The following MEGF10 variants were observed in gnomAD, a reference collection of about 807,000 sequenced individuals.
The protein encoded by MEGF10 is multiple epidermal growth factor-like domains protein 10.
In MEGF10, 86 loss-of-function variants were observed where a neutral mutation model predicts 147.5. The ratio of observed to expected loss-of-function variants is 0.58; its 90% CI spans 0.49 to 0.70. MEGF10 has a LOEUF of 0.70. Ranked by LOEUF, MEGF10 falls within the 30% of genes least tolerant of loss-of-function variation. The pLI, the probability that MEGF10 is intolerant of heterozygous loss-of-function variation, is 0.00. For missense variants in MEGF10, 1,329 were observed against 1,487.3 expected, an observed-to-expected ratio of 0.89 and a Z score of 1.75; for synonymous variants, 478 against 525.5, an observed-to-expected ratio of 0.91 and a Z score of 1.24.
At chr5:127,293,454 C>T (rs1303316026) in intron 1 of MEGF10, among the ~76,000 whole-genome samples, 1 of 152,094 alleles carries the variant, frequency 6.6e-6, no homozygotes, top group African/African-American at 2.4e-5. Flanking sequence ...AAATAAATGG[C>T]AATTTTGTAT....
At position 127,420,012 on chromosome 5, in the gene MEGF10, C is replaced by T. The variant is rs182188081; in HGVS notation, c.1427-32C>T. On this transcript the variant is annotated intron_variant, in intron 11 of 24. Transcript: ENST00000503335. The stretch of plus-strand genomic sequence containing the variant: ...AACAAGGCTCTCTGCTGCCTTTGTT[C>T]GCTCACGTGCTCTGGCGTTCTTGTC... The T allele has an allele frequency of 6.0e-5, 96 of 1,607,678 alleles. No individual in the cohort carries two copies. In the African/African-American group the frequency reaches 7.6e-4, roughly 13 times the overall value.
chr5:127,347,659 T>C (rs1452123381), intron 4 of MEGF10, among the ~76,000 whole-genome samples: 1 of 152,074 alleles, frequency 6.6e-6, no homozygotes, highest in Non-Finnish European at 1.5e-5. Context: ...ACATCCTAAG[T>C]GGAGTGCACA....
At chr5:127,235,978 C>CTT in the MEGF10 span, among the ~76,000 whole-genome samples, 22 of 148,124 alleles carry the variant, frequency 1.5e-4, 2 homozygotes, top group Admixed American at 1.5e-3. Context: ...GGTCGGCAAA[C>CTT]TTTTTTTTTT....
chr5:127,313,482 G>T (rs1034193925), intron 1 of MEGF10, among the ~76,000 whole-genome samples: 2 of 152,152 alleles, frequency 1.3e-5, no homozygotes, highest in Non-Finnish European at 2.9e-5. Context: ...CTACTCATCC[G>T]ATTAGCCTAA....
At chr5:127,363,919 C>T (rs1302509548) in intron 4 of MEGF10, among the ~76,000 whole-genome samples, 1 of 152,086 alleles carries the variant, frequency 6.6e-6, no homozygotes. Flanking sequence ...CCAAGTAAAA[C>T]GTTATGGAAC....
At chr5:127,242,928 A>T in the MEGF10 span, among the ~76,000 whole-genome samples, 1 of 152,190 alleles carries the variant, frequency 6.6e-6, no homozygotes, top group Non-Finnish European at 1.5e-5. Context: ...TAGCCAAAAG[A>T]GCCTGACTTC....
intron 5 of MEGF10, among the ~76,000 whole-genome samples, chr5:127,378,124 T>C (rs1763103102): frequency 6.6e-6 from 1 of 152,216 alleles, no homozygotes; most frequent in South Asian, 2.1e-4. Context: ...CACCACCCTC[T>C]GTCACCCACC....
chr5:127,448,977 G>T, intron 21 of MEGF10, 122 bp from the exon 22 acceptor site: 1 of 1,316,834 alleles, frequency 7.6e-7, no homozygotes, highest in South Asian at 1.5e-5. Flanking sequence ...CGGCCCCTGA[G>T]CTCAGGTCAC....
chr5:127,363,121 G>A (rs928567122), intron 4 of MEGF10, among the ~76,000 whole-genome samples: 27 of 152,164 alleles, frequency 1.8e-4, no homozygotes, highest in African/African-American at 6.5e-4. Flanking sequence ...TACTTAAAAT[G>A]TATGGCAGAA....
In MEGF10 at chr5:127,383,668, G is replaced by A. The variant is rs530554730; in HGVS notation, c.413-12864G>A. ...ATCACAGCATTTACCTTTGGGAAAA[G>A]GGTAGGGAAAGAGCTGGGAACCAGG... On this transcript the variant is annotated intron_variant, in intron 5 of 24. Transcript: ENST00000503335. 1.6e-4 allele frequency among the ~76,000 whole-genome samples: 25 copies of A among 152,226 alleles called. No homozygotes were observed. The South Asian group carries it at 5.0e-3, about 30-fold the overall frequency.
chr5:127,294,095 C>T (rs1424134078), intron 1 of MEGF10, among the ~76,000 whole-genome samples: 1 of 152,214 alleles, frequency 6.6e-6, no homozygotes, highest in African/African-American at 2.4e-5. Context: ...CAACCACTTA[C>T]CACCCATTCA....
Position 127,308,703 on chromosome 5 carries a change from G to A in MEGF10, c.-19+17647G>A, listed in dbSNP as rs1760124689. On this transcript the variant is annotated intron_variant, in intron 1 of 24. Coordinates refer to ENST00000503335, the MANE Select transcript of MEGF10 (RefSeq NM_001256545.2). ...ACAGGAAGGGGAACATCACACACCA[G>A]AGCCTGTTGTGGGGTGGGGGGAAGG... is the stretch of plus-strand genomic sequence containing the variant. Among the ~76,000 whole-genome samples, 3 of 151,254 alleles carry A rather than the reference G, an allele frequency of 2.0e-5. No homozygotes were observed. In the South Asian group the frequency reaches 6.3e-4, roughly 32 times the overall value.
chr5:127,262,946 G>A, the MEGF10 span, among the ~76,000 whole-genome samples: 1 of 152,134 alleles, frequency 6.6e-6, no homozygotes, highest in Admixed American at 6.6e-5. Context: ...ATGAGAGGGT[G>A]TGGAGTGGGG....
At chr5:127,408,979 AGGTGG>A (rs1764443181) in intron 8 of MEGF10, among the ~76,000 whole-genome samples, 1 of 152,112 alleles carries the variant, frequency 6.6e-6, no homozygotes, top group African/African-American at 2.4e-5. Context: ...CAGGCGGCAG[AGGTGG>A]GAGGGTCAAT....
chr5:127,371,298 G>T (rs1762842485), intron 5 of MEGF10, among the ~76,000 whole-genome samples: 1 of 150,666 alleles, frequency 6.6e-6, no homozygotes, highest in Non-Finnish European at 1.5e-5. Context: ...GTCTTGCAGG[G>T]TTTTGTTTTG....
chr5:127,269,767 A>G, the MEGF10 span, among the ~76,000 whole-genome samples: 1 of 152,186 alleles, frequency 6.6e-6, no homozygotes, highest in East Asian at 1.9e-4. Context: ...GAGCAACTCC[A>G]AGATACATAA....
chr5:127,333,517 AATAAAAAT>A (rs1279923479), intron 2 of MEGF10, among the ~76,000 whole-genome samples: 4 of 147,730 alleles, frequency 2.7e-5, no homozygotes, highest in Admixed American at 2.7e-4. Flanking sequence ...CCTCAAAAAA[AATAAAAAT>A]AAAAATAAAA....
intron 1 of MEGF10, 145 bp from the exon 2 acceptor site, chr5:127,331,146 T>C (rs760988881): frequency 2.0e-5 from 11 of 560,302 alleles, no homozygotes; most frequent in Non-Finnish European, 2.9e-5. Context: ...ACCATGGAAT[T>C]TGGTGACCTG....
chr5:127,329,087 T>C (rs1761151489), intron 1 of MEGF10, among the ~76,000 whole-genome samples: 1 of 152,178 alleles, frequency 6.6e-6, no homozygotes, highest in Admixed American at 6.6e-5. Context: ...TTATCTGTTA[T>C]TGTTTATTAT....
Sources: gnomAD v4.1 joint callset for allele counts (sites outside exome capture counted in the v4.1 genomes callset) on GRCh38, gnomAD v4.1.1 for gene constraint, MANE v1.5 for transcripts, NCBI Gene and HGNC (gene_info 2026-07-23, HGNC 2026-07-21) for gene names.